DPRX: variants seen among roughly 807,000 people sequenced by gnomAD.
The protein encoded by DPRX is divergent paired-related homeobox.
Under a neutral mutation model 8.4 loss-of-function variants are expected in DPRX, and 11 were observed. The observed-to-expected ratio is 1.31, with a 90% CI of 0.82 to 2.17. The LOEUF is 2.17. Among genes scored for constraint, DPRX ranks in the 30% most tolerant of loss-of-function variants. The pLI is 0.00. For missense variants in DPRX, 211 were observed against 236.7 expected (o/e 0.89, Z 0.71); for synonymous variants, 72 against 87.0 (o/e 0.83, Z 0.96).
At chr19:53,636,530 T>A (rs141934287) in intron 2 of DPRX, 66 bp from the exon 3 acceptor site, 8 of 1,287,344 alleles carry the variant, frequency 6.2e-6, no homozygotes, top group African/African-American at 1.5e-5. Flanking sequence ...AAAGTAAAAA[T>A]TTTTTAAAAA....
the DPRX span, among the ~76,000 whole-genome samples, chr19:53,604,231 C>T: frequency 5.2e-4 from 79 of 152,044 alleles, no homozygotes; most frequent in Non-Finnish European, 8.5e-4. Flanking sequence ...TGGTACTATC[C>T]GCGGTTTCGG....
At chr19:53,616,782 A>G in the DPRX span, 4 of 1,551,708 alleles carry the variant, frequency 2.6e-6, no homozygotes, top group African/African-American at 1.4e-5. Context: ...AGAGGCCGAG[A>G]ATGGCCCTTG....
chr19:53,631,236 A>G (rs1310857755), upstream of DPRX, among the ~76,000 whole-genome samples: 2 of 151,004 alleles, frequency 1.3e-5, no homozygotes, highest in Admixed American at 1.3e-4. Flanking sequence ...GGTTGCTGTG[A>G]GCCGAGATCG....
intron 1 of DPRX, among the ~76,000 whole-genome samples, chr19:53,633,121 C>T (rs1021565542): frequency 8.6e-5 from 12 of 139,458 alleles, no homozygotes; most frequent in East Asian, 4.6e-4. Context: ...CAAAACAAGA[C>T]GTTGTCTCTA....
At chr19:53,627,620 GC>G (rs2091076465), upstream of DPRX, among the ~76,000 whole-genome samples, 1 of 150,520 alleles carries the variant, frequency 6.6e-6, no homozygotes. Flanking sequence ...TACTTTTTTA[GC>G]AGAGACGGGC....
intron 1 of DPRX, among the ~76,000 whole-genome samples, chr19:53,632,425 C>T (rs374129580): frequency 7.9e-5 from 12 of 151,984 alleles, no homozygotes; most frequent in Non-Finnish European, 1.5e-4. Context: ...CTCAGCCTCC[C>T]GAGTAGCTGG....
chr19:53,620,270 C>A, the DPRX span, among the ~76,000 whole-genome samples: 2 of 151,950 alleles, frequency 1.3e-5, no homozygotes, highest in East Asian at 1.9e-4. Flanking sequence ...AGGGTTTCAC[C>A]ATGTTAGCCA....
the DPRX span, among the ~76,000 whole-genome samples, chr19:53,619,858 A>AC: frequency 6.6e-6 from 1 of 150,382 alleles, no homozygotes; most frequent in Non-Finnish European, 1.5e-5. Context: ...CTATCTCAAA[A>AC]AAAAAAAAAA....
chr19:53,616,743 A>C, the DPRX span: 1 of 1,398,364 alleles, frequency 7.2e-7, no homozygotes, highest in South Asian at 1.3e-5. Flanking sequence ...AACAAGAGCG[A>C]AACTCTGTCT....
the DPRX span, among the ~76,000 whole-genome samples, chr19:53,619,735 G>A: frequency 6.7e-6 from 1 of 149,518 alleles, no homozygotes; most frequent in Non-Finnish European, 1.5e-5. Context: ...GACGCCTGTG[G>A]TCCTAGCTAC....
At chr19:53,635,972 C>A (rs1465636798) in intron 2 of DPRX, among the ~76,000 whole-genome samples, 1 of 152,098 alleles carries the variant, frequency 6.6e-6, no homozygotes, top group Non-Finnish European at 1.5e-5. Context: ...CATTTCTGCT[C>A]CTTCCTGGGA....
the DPRX span, among the ~76,000 whole-genome samples, chr19:53,603,947 T>C: frequency 6.6e-6 from 1 of 151,990 alleles, no homozygotes. Flanking sequence ...GGTTTCACCA[T>C]GTTGGCCAGG....
chr19:53,609,466 CAAAAAAAAAAAAAA>C, the DPRX span, among the ~76,000 whole-genome samples: 2 of 55,486 alleles, frequency 3.6e-5, no homozygotes, highest in African/African-American at 7.4e-5. Context: ...GACTCGGTCT[CAAAAAAAAAAAAAA>C]AAAAAAAAAA....
intron 2 of DPRX, 62 bp from the exon 3 acceptor site, chr19:53,636,534 T>G (rs945302325): frequency 7.6e-7 from 1 of 1,308,334 alleles, no homozygotes; most frequent in African/African-American, 1.5e-5. Context: ...TAAAAATTTT[T>G]TAAAAATAGA....
chr19:53,629,396 A>G (rs1433054415), upstream of DPRX, among the ~76,000 whole-genome samples: 3 of 151,746 alleles, frequency 2.0e-5, no homozygotes, highest in Middle Eastern at 3.2e-3. Flanking sequence ...ATGCTCAGTA[A>G]AAGAAGCCAG....
the DPRX span, chr19:53,617,108 A>G: frequency 3.1e-4 from 393 of 1,262,256 alleles, 1 homozygote; most frequent in Middle Eastern, 7.4e-4. Flanking sequence ...TTTAGGTTTC[A>G]TAATCCTGGA....
At chr19:53,636,273 G>A (rs370381423) in intron 2 of DPRX, among the ~76,000 whole-genome samples, 1 of 152,010 alleles carries the variant, frequency 6.6e-6, no homozygotes, top group East Asian at 1.9e-4. Context: ...GGCTGAGGCA[G>A]AAGCATCGCT....
At chr19:53,601,282 C>G in the DPRX span, 1 of 456,414 alleles carries the variant, frequency 2.2e-6, no homozygotes, top group Non-Finnish European at 4.4e-6. Flanking sequence ...CATCCAGACT[C>G]CACATTGGGC....
the DPRX span, among the ~76,000 whole-genome samples, chr19:53,613,118 C>G: frequency 6.6e-6 from 1 of 152,086 alleles, no homozygotes; most frequent in African/African-American, 2.4e-5. Flanking sequence ...TATGGCTAGC[C>G]TTGGGGGAGA....
Sources: gnomAD v4.1 joint callset for allele counts (sites outside exome capture counted in the v4.1 genomes callset) on GRCh38, gnomAD v4.1.1 for gene constraint, MANE v1.5 for transcripts, NCBI Gene and HGNC (gene_info 2026-07-23, HGNC 2026-07-21) for gene names.